CDH18: variants seen among roughly 807,000 people sequenced by gnomAD.
The protein encoded by CDH18 is cadherin-18.
A neutral mutation model predicts 67.9 loss-of-function variants in CDH18; 31 were observed. The ratio of observed to expected loss-of-function variants is 0.46; its 90% CI spans 0.34 to 0.62. The LOEUF (loss-of-function observed/expected upper bound fraction) is 0.62, where lower values mean the gene tolerates loss of function less well. Ranked by LOEUF, CDH18 falls within the 20% of genes least tolerant of loss-of-function variation. The probability of loss-of-function intolerance (pLI) is 0.01; values close to 1 mark genes in which losing one functional copy is unlikely to be tolerated. For missense variants in CDH18, 890 were observed against 975.5 expected, an observed-to-expected ratio of 0.91 and a Z score of 1.17; for synonymous variants, 362 against 347.2, an observed-to-expected ratio of 1.04 and a Z score of -0.48.
chr5:20,151,961 A>C (rs1032393968), intron 2 of CDH18, among the ~76,000 whole-genome samples: 6 of 151,246 alleles, frequency 4.0e-5, no homozygotes, highest in Non-Finnish European at 8.9e-5. Context: ...TGGTAATTAA[A>C]TTGTATTTAC....
At chr5:19,842,118 A>T (rs924894756) in intron 2 of CDH18, among the ~76,000 whole-genome samples, 1 of 152,232 alleles carries the variant, frequency 6.6e-6, no homozygotes, top group African/African-American at 2.4e-5. Context: ...CAATAGAAAT[A>T]TGTGGTAGAC....
Position 19,655,581 on chromosome 5 carries a change from T to C in CDH18, c.644-42980A>G, listed in dbSNP as rs1041853067. Reference sequence around the variant, plus strand: ...CCTGTTGTCATATTTGTCAATGTTTTCTTTCTCTCATATTTAGTAAACTAA... The same window carrying C: ...CCTGTTGTCATATTTGTCAATGTTTCCTTTCTCTCATATTTAGTAAACTAA... On this transcript the variant is annotated intron_variant, in intron 5 of 12. Transcript: ENST00000382275. Among the ~76,000 whole-genome samples, 5 of 152,124 alleles carry C rather than the reference T, an allele frequency of 3.3e-5. 1 individual carries two copies. The highest frequency in any genetic ancestry group is 6.8e-3 in the Middle Eastern group (2 of 294).
rs1185501168 is a variant in CDH18, at chr5:20,242,607, A to ATAT, written c.-518+12836_-518+12837insATA. Among the ~76,000 whole-genome samples the ATAT allele has an allele frequency of 2.3e-5, 2 of 88,254 alleles. 1 individual carries two copies. The highest frequency in any genetic ancestry group is 6.3e-4 in the East Asian group (2 of 3,194). The allele number at this position is 88,254 out of a possible 152,430, so 57.9% of individuals were successfully genotyped here. ...GGGTTTCATTGAGGGAAAAAAAAAA[A>ATAT]AAAAATATATATATATATATATATA... On this transcript the variant is annotated intron_variant, in intron 2 of 14. Coordinates refer to the CDH18 transcript ENST00000507958.
intron 8 of CDH18, among the ~76,000 whole-genome samples, chr5:19,561,300 T>C (rs775720087): frequency 3.3e-5 from 5 of 151,998 alleles, no homozygotes; most frequent in Non-Finnish European, 7.4e-5. Context: ...AAATGTGGTA[T>C]ACATAAACCA....
intron 2 of CDH18, among the ~76,000 whole-genome samples, chr5:19,972,436 CAGTT>C (rs1054383204): frequency 6.6e-6 from 1 of 151,980 alleles, no homozygotes; most frequent in Admixed American, 6.6e-5. Context: ...TGTTTTCAAA[CAGTT>C]AGAAAAATGA....
intron 2 of CDH18, among the ~76,000 whole-genome samples, chr5:19,932,844 T>C (rs1793850077): frequency 6.6e-6 from 1 of 151,664 alleles, no homozygotes. Flanking sequence ...TTAGACTAAA[T>C]TGTGACACTG....
intron 5 of CDH18, among the ~76,000 whole-genome samples, chr5:19,677,068 T>A (rs1382297185): frequency 6.6e-6 from 1 of 152,044 alleles, no homozygotes; most frequent in Non-Finnish European, 1.5e-5. Context: ...GTAATTTGAA[T>A]ATTTGCCACT....
At chr5:20,373,840 C>G (rs748489770) in intron 1 of CDH18, among the ~76,000 whole-genome samples, 1 of 151,934 alleles carries the variant, frequency 6.6e-6, no homozygotes, top group Non-Finnish European at 1.5e-5. Context: ...TGTACAATTT[C>G]TTTGAAAGCA....
intron 2 of CDH18, among the ~76,000 whole-genome samples, chr5:20,228,800 T>G (rs1741838563): frequency 6.6e-6 from 1 of 152,104 alleles, no homozygotes; most frequent in East Asian, 1.9e-4. Flanking sequence ...GTTTTCTTAT[T>G]TTTATATTTC....
At chr5:19,745,776 G>A (rs1769913138) in intron 4 of CDH18, among the ~76,000 whole-genome samples, 1 of 152,188 alleles carries the variant, frequency 6.6e-6, no homozygotes, top group African/African-American at 2.4e-5. Flanking sequence ...TTCAGCTAAG[G>A]AAGAAGACCT....
chr5:19,597,197 C>T (rs1247503461), intron 6 of CDH18, among the ~76,000 whole-genome samples: 1 of 152,168 alleles, frequency 6.6e-6, no homozygotes, highest in African/African-American at 2.4e-5. Flanking sequence ...AAGCTGGAAG[C>T]AGAAACCAGC....
intron 5 of CDH18, among the ~76,000 whole-genome samples, chr5:19,687,382 C>T (rs1761250764): frequency 1.3e-5 from 2 of 152,192 alleles, no homozygotes; most frequent in Admixed American, 1.3e-4. Flanking sequence ...ACATTCCTCC[C>T]CTTGCACACT....
chr5:20,421,387 C>G (rs1194270848), intron 1 of CDH18, among the ~76,000 whole-genome samples: 1 of 149,202 alleles, frequency 6.7e-6, no homozygotes, highest in East Asian at 1.9e-4. Flanking sequence ...TATGCTCTTT[C>G]AGATGGAGGG....
At chr5:20,221,314 C>T (rs116323861) in intron 2 of CDH18, among the ~76,000 whole-genome samples, 2,153 of 152,164 alleles carry the variant, frequency 0.014, 23 homozygotes, top group Middle Eastern at 0.027. Flanking sequence ...TTTGCAACTA[C>T]ATGGATAGAA....
chr5:20,172,190 G>GTATATATATATA (rs70954640), intron 2 of CDH18, among the ~76,000 whole-genome samples: 316 of 23,304 alleles, frequency 0.014, 19 homozygotes, highest in South Asian at 0.021. Flanking sequence ...AGCATTGTGT[G>GTATATATATATA]TATATATATA....
chr5:20,526,171 G>A (rs1173315019), intron 1 of CDH18, among the ~76,000 whole-genome samples: 1 of 152,068 alleles, frequency 6.6e-6, no homozygotes, highest in Non-Finnish European at 1.5e-5. Flanking sequence ...CTTTGTTTAG[G>A]TGAAACCTGG....
At chr5:20,180,566 C>T (rs114379100) in intron 2 of CDH18, among the ~76,000 whole-genome samples, 5,389 of 152,212 alleles carry the variant, frequency 0.035, 306 homozygotes, top group East Asian at 0.28. Context: ...ATGTACCGTA[C>T]TTCTACACAC....
At chr5:19,577,786 C>T (rs1364426361) in intron 7 of CDH18, among the ~76,000 whole-genome samples, 4 of 152,142 alleles carry the variant, frequency 2.6e-5, no homozygotes, top group South Asian at 2.1e-4. Flanking sequence ...AGAGGCCTGA[C>T]GGCAACCCTG....
At chr5:20,547,534 C>A (rs1757407456) in intron 1 of CDH18, among the ~76,000 whole-genome samples, 3 of 149,428 alleles carry the variant, frequency 2.0e-5, no homozygotes, top group Non-Finnish European at 4.4e-5. Context: ...GCACTCCAGT[C>A]TGGGTGACAG....
Sources: allele counts gnomAD v4.1 joint callset (sites outside exome capture counted in the v4.1 genomes callset), GRCh38; gene constraint gnomAD v4.1.1; transcripts MANE v1.5; gene names NCBI Gene and HGNC (gene_info 2026-07-23, HGNC 2026-07-21).